The following ACTN1 variants were observed in gnomAD, a reference collection of about 807,000 sequenced individuals.
The protein encoded by ACTN1 is actinin alpha 1.
ACTN1 carries 30 observed loss-of-function variants against 119.6 expected under a neutral mutation model. The observed-to-expected ratio is 0.25, with a 90% confidence interval of 0.19 to 0.34. The LOEUF (loss-of-function observed/expected upper bound fraction) is 0.34. ACTN1 is among the 10% of genes least tolerant of loss of function. The pLI, the probability that ACTN1 is intolerant of heterozygous loss-of-function variation, is 1.00. For missense variants in ACTN1, 764 were observed against 1,223.4 expected (o/e 0.62, Z 5.60); for synonymous variants, 429 against 472.6 (o/e 0.91, Z 1.20).
chr14:68,976,765 C>A (rs1169807257), intron 1 of ACTN1, among the ~76,000 whole-genome samples: 1 of 152,208 alleles, frequency 6.6e-6, no homozygotes, highest in African/African-American at 2.4e-5. Flanking sequence ...CTGGTTACTT[C>A]CCCTCTCTGG....
In ACTN1 at chr14:68,912,165, A is replaced by C. The variant is rs753454412; in HGVS notation, c.418T>G (p.Ser140Ala). 6.2e-7 allele frequency: 1 copy of C among 1,613,964 alleles called. No individual in the cohort carries two copies. The highest frequency in any genetic ancestry group is 1.7e-5 in the Admixed American group (1 of 60,000). The change falls in exon 4 of 22, where the codon TCC becomes GCC. Residue 140 changes from serine to alanine, a missense_variant. Coordinates refer to ENST00000394419, the MANE Select transcript of ACTN1 (RefSeq NM_001130004.2). ...IILRFAIQDI[S>A]VEETSAKEGL... ...CAAAGCAGAAACCCACCTTCCACGG[A>C]GATGTCCTGGATGGCAAAGCGCAGG...
intron 11 of ACTN1, among the ~76,000 whole-genome samples, chr14:68,888,677 G>A (rs922002520): frequency 6.6e-6 from 1 of 152,172 alleles, no homozygotes; most frequent in African/African-American, 2.4e-5. Flanking sequence ...TGAGCCAGCA[G>A]GTGGGAGAGC....
chr14:68,974,487 T>A (rs1202571767), intron 1 of ACTN1, among the ~76,000 whole-genome samples: 1 of 152,118 alleles, frequency 6.6e-6, no homozygotes, highest in Non-Finnish European at 1.5e-5. Flanking sequence ...CCAGCATGGA[T>A]AGTCACTGTT....
rs574725232 is a variant in ACTN1, at chr14:68,884,033, C to A, written c.1635+135G>T. 17 of 954,448 alleles carry A rather than the reference C, an allele frequency of 1.8e-5. No homozygotes were observed. In the African/African-American group the frequency reaches 2.8e-4, roughly 16 times the overall value. The allele number at this position is 954,448 out of a possible 1,614,324, so 59.1% of individuals were successfully genotyped here. ...CATATATTATCTTGTCAAAATAAGTCAAATGCAAAGGTTCTGGGTCTATAA... is the reference window on the plus strand; with the variant it reads ...CATATATTATCTTGTCAAAATAAGTAAAATGCAAAGGTTCTGGGTCTATAA... On this transcript the variant is annotated intron_variant, in intron 14 of 21. Coordinates refer to ENST00000394419, the MANE Select transcript of ACTN1 (RefSeq NM_001130004.2).
intron 21 of ACTN1, among the ~76,000 whole-genome samples, chr14:68,876,171 T>C (rs767835710): frequency 2.8e-4 from 43 of 152,260 alleles, no homozygotes; most frequent in Non-Finnish European, 5.0e-4. Flanking sequence ...TAATTTTTTG[T>C]ATTTTTAGTA....
chr14:68,965,856 G>A (rs947178554), intron 1 of ACTN1, among the ~76,000 whole-genome samples: 1 of 152,194 alleles, frequency 6.6e-6, no homozygotes, highest in African/African-American at 2.4e-5. Context: ...AAGAAGCTGT[G>A]TTCGCCGAAT....
intron 3 of ACTN1, among the ~76,000 whole-genome samples, chr14:68,918,493 G>A (rs1243526191): frequency 1.0e-5 from 1 of 95,860 alleles, no homozygotes; most frequent in Admixed American, 1.2e-4. Context: ...GGCTGAGGCA[G>A]GAGAATGGCG....
chr14:68,875,354 C>T (rs2030777178), intron 21 of ACTN1, among the ~76,000 whole-genome samples: 1 of 152,258 alleles, frequency 6.6e-6, no homozygotes, highest in Admixed American at 6.5e-5. Context: ...AGCAGATACT[C>T]TGGTGGAGCG....
chr14:68,941,666 G>C (rs559168120), intron 1 of ACTN1, among the ~76,000 whole-genome samples: 2 of 151,800 alleles, frequency 1.3e-5, no homozygotes, highest in African/African-American at 4.8e-5. Context: ...ATAGTGTCTA[G>C]AGTTCATTAC....
At chr14:68,898,397 G>T (rs987153155) in intron 8 of ACTN1, among the ~76,000 whole-genome samples, 1 of 152,176 alleles carries the variant, frequency 6.6e-6, no homozygotes. Flanking sequence ...TATACAGCAC[G>T]TGCCTGTACA....
chr14:68,874,400 T>C lies in ACTN1; in HGVS notation c.*459A>G, dbSNP rs1363183940. The C allele has an allele frequency of 1.3e-5, 2 of 153,554 alleles. No individual in the cohort carries two copies. The highest frequency in any genetic ancestry group is 4.8e-5 in the African/African-American group (2 of 41,468). 9.5% of individuals were successfully genotyped at this position (153,554 alleles called of 1,614,324 possible). A position where few individuals can be genotyped will look rare whatever the true frequency, so the allele number is the denominator to read the frequency against. On this transcript the variant is annotated 3_prime_UTR_variant, in exon 22 of 22. Transcript: ENST00000394419. Reference sequence around the variant, plus strand: ...AAACACACATGCACCAATGTGCCTTTTGACAAGAGTACCCCCTACCCCGAC... The same window carrying C: ...AAACACACATGCACCAATGTGCCTTCTGACAAGAGTACCCCCTACCCCGAC...
At chr14:68,881,115 G>A in intron 16 of ACTN1, 126 bp from the exon 17 acceptor site, 1 of 899,314 alleles carries the variant, frequency 1.1e-6, no homozygotes, top group Non-Finnish European at 1.7e-6. Flanking sequence ...CAGCCCTAAG[G>A]AGGCCATCAC....
chr14:68,950,477 T>TATATATATATATATAA (rs1349794768), intron 1 of ACTN1, among the ~76,000 whole-genome samples: 1 of 144,798 alleles, frequency 6.9e-6, no homozygotes, highest in South Asian at 2.1e-4. Flanking sequence ...TATATATATA[T>TATATATATATATATAA]AAATCAAACA....
At chr14:68,918,253 C>T (rs2140336314) in intron 3 of ACTN1, among the ~76,000 whole-genome samples, 1 of 152,260 alleles carries the variant, frequency 6.6e-6, no homozygotes, top group Admixed American at 6.5e-5. Flanking sequence ...CAGGGGCAGG[C>T]TTGATCTGCC....
intron 1 of ACTN1, among the ~76,000 whole-genome samples, chr14:68,947,934 C>T (rs541938981): frequency 5.3e-4 from 80 of 152,334 alleles, no homozygotes; most frequent in African/African-American, 1.9e-3. Context: ...AAGCCCAAGG[C>T]ACCGCCCTCA....
chr14:68,979,113 G>T lies in ACTN1; in HGVS notation c.-57C>A. ...TTCCTCCACCTTCTCTCTGAGCAAC[G>T]GCTGCTGCCCTGGCGTGGGGAGGGA... On this transcript the variant is annotated 5_prime_UTR_variant, in exon 1 of 22. Coordinates refer to ENST00000394419, the MANE Select transcript of ACTN1 (RefSeq NM_001130004.2). 8.1e-7 allele frequency: 1 copy of T among 1,240,638 alleles called. No individual in the cohort carries two copies. The highest frequency in any genetic ancestry group is 1.2e-6 in the Non-Finnish European group (1 of 867,852). 76.9% of individuals were successfully genotyped at this position (1,240,638 alleles called of 1,614,324 possible). A position where few individuals can be genotyped will look rare whatever the true frequency, so the allele number is the denominator to read the frequency against.
At chr14:68,928,629 G>A (rs1206867076) in intron 1 of ACTN1, among the ~76,000 whole-genome samples, 7 of 152,116 alleles carry the variant, frequency 4.6e-5, no homozygotes, top group Non-Finnish European at 1.0e-4. Context: ...TAGTAACAGC[G>A]CTCCATAAAA....
In ACTN1 at chr14:68,978,935, C is replaced by T. The variant is rs758063768; in HGVS notation, c.105+17G>A. ...GCTGGGGGCTGGGGGCTGCAGCGGGCGGGGGCGGCTGCTAACCTTTCTCTG... is the reference window on the plus strand; with the variant it reads ...GCTGGGGGCTGGGGGCTGCAGCGGGTGGGGGCGGCTGCTAACCTTTCTCTG... On this transcript the variant is annotated intron_variant, in intron 1 of 21. Transcript: ENST00000394419. The T allele has an allele frequency of 2.5e-5, 33 of 1,339,680 alleles. No homozygotes were observed. The African/African-American group carries it at 4.1e-4, about 17-fold the overall frequency. 83.0% of individuals were successfully genotyped at this position (1,339,680 alleles called of 1,614,324 possible). A position where few individuals can be genotyped will look rare whatever the true frequency, so the allele number is the denominator to read the frequency against.
In ACTN1 at chr14:68,888,147, G is replaced by A. The variant is rs1437640697; in HGVS notation, c.1234+1992C>T. ...GCCGCGGCATGCTGACAGCCTTTGC[G>A]AAACTGTGCTGCCTGGCCGCTGCCA... On this transcript the variant is annotated intron_variant, in intron 11 of 21. Transcript: ENST00000394419. The A allele has an allele frequency of 1.4e-5, 8 of 556,672 alleles. 1 individual carries two copies. Among genetic ancestry groups the A allele is most frequent in the East Asian group, 3.4e-5 (1 of 29,066 alleles). The allele number at this position is 556,672 out of a possible 1,614,324, so 34.5% of individuals were successfully genotyped here. A position where few individuals can be genotyped will look rare whatever the true frequency, so the allele number is the denominator to read the frequency against.
Sources: allele counts gnomAD v4.1 joint callset (sites outside exome capture counted in the v4.1 genomes callset), GRCh38; gene constraint gnomAD v4.1.1; transcripts MANE v1.5; gene names NCBI Gene and HGNC (gene_info 2026-07-23, HGNC 2026-07-21).